The following TECRL variants were observed in gnomAD, a reference collection of about 807,000 sequenced individuals.
TECRL encodes the protein trans-2,3-enoyl-CoA reductase like, also known as trans-2,3-enoyl-CoA reductase-like.
In TECRL, 63 loss-of-function variants were observed where a neutral mutation model predicts 52.8. The observed-to-expected ratio is 1.19, with a 90% CI of 0.97 to 1.47. The LOEUF (loss-of-function observed/expected upper bound fraction) is 1.47, where lower values mean the gene tolerates loss of function less well. Among genes scored for constraint, TECRL ranks in the 40% most tolerant of loss-of-function variants. The pLI is 0.00. For synonymous variants in TECRL, 164 were observed against 141.9 expected, an observed-to-expected ratio of 1.16 and a Z score of -1.10; for missense variants, 482 against 429.6, an observed-to-expected ratio of 1.12 and a Z score of -1.08.
In TECRL at chr4:64,333,857, AAAAATACAAAAAAAAAATTAGCCGGGCGC is replaced by A. The variant is rs1340561304; in HGVS notation, c.287-5330_287-5302del. 7.7e-3 allele frequency among the ~76,000 whole-genome samples: 888 copies of A among 115,116 alleles called. 88 individuals are homozygous for A. Among genetic ancestry groups the A allele is most frequent in the African/African-American group, 0.034 (859 of 25,052 alleles). The allele number at this position is 115,116 out of a possible 152,430, so 75.5% of individuals were successfully genotyped here. A position where few individuals can be genotyped will look rare whatever the true frequency, so the allele number is the denominator to read the frequency against. On this transcript the variant is annotated intron_variant, in intron 2 of 11. Coordinates refer to ENST00000381210, the MANE Select transcript of TECRL (RefSeq NM_001010874.5). ...AACAAGGTGAAACCCCGTCTCTACT[AAAAATACAAAAAAAAAATTAGCCGGGCGC>A]GGTGGCGGGCGCCTGTAGTCCCAGC... is the stretch of plus-strand genomic sequence containing the variant.
At chr4:64,390,740 A>G (rs1461034188) in intron 1 of TECRL, among the ~76,000 whole-genome samples, 1 of 151,850 alleles carries the variant, frequency 6.6e-6, no homozygotes, top group African/African-American at 2.4e-5. Context: ...AAGAAACCTC[A>G]CATCCTATAT....
Position 64,281,211 on chromosome 4 carries a change from C to T in TECRL, c.919-125G>A, listed in dbSNP as rs138899231. On this transcript the variant is annotated intron_variant, in intron 10 of 11. Coordinates refer to ENST00000381210, the MANE Select transcript of TECRL (RefSeq NM_001010874.5). ...AAACTTATAGATAGGAATACATTTT[C>T]AAGAAATAATAATTTAATTTTTACA... 5.4e-4 allele frequency: 325 copies of T among 599,146 alleles called. 2 individuals are homozygous for T. The African/African-American group carries it at 5.7e-3, about 10-fold the overall frequency. The allele number at this position is 599,146 out of a possible 1,614,324, so 37.1% of individuals were successfully genotyped here. A position where few individuals can be genotyped will look rare whatever the true frequency, so the allele number is the denominator to read the frequency against.
At chr4:64,301,860 C>T (rs1724041749) in intron 7 of TECRL, among the ~76,000 whole-genome samples, 1 of 151,024 alleles carries the variant, frequency 6.6e-6, no homozygotes, top group East Asian at 1.9e-4. Flanking sequence ...TAATATTTTT[C>T]ATATTTATTT....
At chr4:64,377,872 C>A (rs17084738) in intron 1 of TECRL, among the ~76,000 whole-genome samples, 2,151 of 152,048 alleles carry the variant, frequency 0.014, 66 homozygotes, top group African/African-American at 0.049. Context: ...ACAGTAAATT[C>A]TTAAGATGAA....
intron 1 of TECRL, among the ~76,000 whole-genome samples, chr4:64,406,157 C>CGTGT (rs371862561): frequency 0.045 from 6,547 of 144,368 alleles, 158 homozygotes; most frequent in Non-Finnish European, 0.067. Context: ...GGCGCGCGCG[C>CGTGT]GCGCGCGCGT....
intron 2 of TECRL, among the ~76,000 whole-genome samples, chr4:64,367,776 A>T (rs1455959380): frequency 3.9e-5 from 6 of 152,150 alleles, no homozygotes; most frequent in African/African-American, 1.4e-4. Flanking sequence ...AAGAGTAGAA[A>T]TTTTTAAAAT....
chr4:64,278,148 TATA>T lies in TECRL; in HGVS notation c.*1921_*1923del, dbSNP rs1280171704. On this transcript the variant is annotated 3_prime_UTR_variant, in exon 12 of 12. Transcript: ENST00000381210. ...TGTATAAATATAATTTACATACAAA[TATA>T]ATCTATATATTTCAAAATATATATT... 2 of 151,526 alleles carry T rather than the reference TATA, an allele frequency of 1.3e-5. No homozygotes were observed. The highest frequency in any genetic ancestry group is 3.0e-5 in the Non-Finnish European group (2 of 67,712). 9.4% of individuals were successfully genotyped at this position (151,526 alleles called of 1,614,324 possible). A position where few individuals can be genotyped will look rare whatever the true frequency, so the allele number is the denominator to read the frequency against.
intron 1 of TECRL, among the ~76,000 whole-genome samples, chr4:64,392,352 A>G (rs1421771639): frequency 6.6e-6 from 1 of 151,850 alleles, no homozygotes. Flanking sequence ...TACACTTCTG[A>G]TCACCAACTA....
chr4:64,353,138 A>T (rs1438856572), intron 2 of TECRL, among the ~76,000 whole-genome samples: 4 of 152,220 alleles, frequency 2.6e-5, no homozygotes, highest in Non-Finnish European at 5.9e-5. Context: ...ATTTTTCTTT[A>T]GTAAATTACA....
chr4:64,304,909 T>C, intron 7 of TECRL: 1 of 268,014 alleles, frequency 3.7e-6, no homozygotes, highest in Non-Finnish European at 7.0e-6. Flanking sequence ...TTGTTGTTTT[T>C]TCATTTTATT....
Position 64,322,787 on chromosome 4 carries a change from G to C in TECRL, c.337C>G (p.Pro113Ala), listed in dbSNP as rs2085611729. The C allele has an allele frequency of 6.3e-7, 1 of 1,593,224 alleles. No individual in the cohort carries two copies. The highest frequency in any genetic ancestry group is 1.4e-5 in the African/African-American group (1 of 74,070). Reference sequence around the variant, plus strand: ...ATGGTAATGTAGTCCTTCAAAAAAGGCCCGCCTAAAATAAAAATAACAAGA... The same window carrying C: ...ATGGTAATGTAGTCCTTCAAAAAAGCCCCGCCTAAAATAAAAATAACAAGA... The part of the protein sequence containing the change: ...RVGLQLECGG[P>A]FLKDYITIQS... The change falls in exon 4 of 12, where the codon CCT (proline) becomes GCT (alanine). Residue 113 changes from proline (P) to alanine (A), a missense_variant. Pro to Ala is a conservative substitution (Grantham distance 27). Transcript: ENST00000381210.
intron 1 of TECRL, among the ~76,000 whole-genome samples, chr4:64,395,326 C>T (rs1577988846): frequency 6.6e-6 from 1 of 152,046 alleles, no homozygotes; most frequent in South Asian, 2.1e-4. Context: ...ATAAAAGTTA[C>T]TTAACATTGT....
rs895632647 is a variant in TECRL, at chr4:64,375,230, A to C, written c.235-7T>G. On this transcript the variant is annotated splice_region_variant and splice_polypyrimidine_tract_variant and intron_variant, in intron 1 of 11. Coordinates refer to ENST00000381210, the MANE Select transcript of TECRL (RefSeq NM_001010874.5). ...TAGTAGATGATTGTGTCACCTGAAAAGGAAAAGAAAATAGAGTTATTTTTA... is the reference window on the plus strand; with the variant it reads ...TAGTAGATGATTGTGTCACCTGAAACGGAAAAGAAAATAGAGTTATTTTTA... The C allele has an allele frequency of 7.3e-7, 1 of 1,372,038 alleles. No homozygotes were observed. Among genetic ancestry groups the C allele is most frequent in the Middle Eastern group, 2.1e-4 (1 of 4,804 alleles). 85.0% of individuals were successfully genotyped at this position (1,372,038 alleles called of 1,614,324 possible).
In TECRL at chr4:64,314,646, A is replaced by C; in HGVS notation, c.551+2T>G. 1 of 1,482,180 alleles carries C rather than the reference A, an allele frequency of 6.7e-7. No individual in the cohort carries two copies. The highest frequency in any genetic ancestry group is 9.4e-7 in the Non-Finnish European group (1 of 1,066,282). The allele number at this position is 1,482,180 out of a possible 1,614,324, so 91.8% of individuals were successfully genotyped here. A position where few individuals can be genotyped will look rare whatever the true frequency, so the allele number is the denominator to read the frequency against. On this transcript the variant is annotated splice_donor_variant, in intron 5 of 11. Coordinates refer to ENST00000381210, the MANE Select transcript of TECRL (RefSeq NM_001010874.5). LOFTEE classifies it high-confidence loss of function. ...GTGTGTGTGTGTGTGTGTATCACTTACTGTACCACTGGGTGGCGTAATCTT... is the reference window on the plus strand; with the variant it reads ...GTGTGTGTGTGTGTGTGTATCACTTCCTGTACCACTGGGTGGCGTAATCTT...
At chr4:64,403,933 C>T (rs1043881118) in intron 1 of TECRL, among the ~76,000 whole-genome samples, 1 of 151,412 alleles carries the variant, frequency 6.6e-6, no homozygotes, top group Non-Finnish European at 1.5e-5. Flanking sequence ...GCCATGTGGC[C>T]ATTCTAAGGC....
At chr4:64,399,325 A>G (rs918040534) in intron 1 of TECRL, among the ~76,000 whole-genome samples, 1 of 152,196 alleles carries the variant, frequency 6.6e-6, no homozygotes, top group African/African-American at 2.4e-5. Context: ...TGGAACTTAT[A>G]TTTAAAAGAG....
At chr4:64,321,422 GA>G (rs1717892913) in intron 4 of TECRL, among the ~76,000 whole-genome samples, 2 of 151,974 alleles carry the variant, frequency 1.3e-5, no homozygotes, top group South Asian at 4.1e-4. Context: ...ATTTTGAATA[GA>G]AAAATATTAA....
chr4:64,327,123 A>C (rs941785150), intron 3 of TECRL, among the ~76,000 whole-genome samples: 1 of 152,116 alleles, frequency 6.6e-6, no homozygotes, highest in African/African-American at 2.4e-5. Context: ...GGGTCAATCA[A>C]ATGTAGAAAT....
chr4:64,344,813 T>C (rs1238370493), intron 2 of TECRL, among the ~76,000 whole-genome samples: 1 of 152,218 alleles, frequency 6.6e-6, no homozygotes, highest in African/African-American at 2.4e-5. Flanking sequence ...TTTGTTTGTT[T>C]GTCTGTTTTT....
Sources: allele counts gnomAD v4.1 joint callset (sites outside exome capture counted in the v4.1 genomes callset), GRCh38; gene constraint gnomAD v4.1.1; transcripts MANE v1.5; gene names NCBI Gene and HGNC (gene_info 2026-07-23, HGNC 2026-07-21).